The following BCKDHB variants were observed in gnomAD, a reference collection of about 807,000 sequenced individuals.
BCKDHB encodes 2-oxoisovalerate dehydrogenase subunit beta, mitochondrial.
A neutral mutation model predicts 48.5 loss-of-function variants in BCKDHB; 41 were observed. The ratio of observed to expected loss-of-function variants is 0.85; its 90% CI spans 0.66 to 1.10. The LOEUF (loss-of-function observed/expected upper bound fraction) is 1.10. Among genes scored for constraint, BCKDHB ranks in the 50% least tolerant of loss-of-function variants. The pLI is 0.00. For synonymous variants in BCKDHB, 201 were observed against 174.8 expected (o/e 1.15, Z -1.18); for missense variants, 496 against 494.2 (o/e 1.00, Z -0.03).
At chr6:80,358,690 A>T in the BCKDHB span, among the ~76,000 whole-genome samples, 13 of 152,208 alleles carry the variant, frequency 8.5e-5, no homozygotes, top group Non-Finnish European at 1.5e-5. Context: ...TGAAGACAGA[A>T]TGGAGATTGG....
the BCKDHB span, among the ~76,000 whole-genome samples, chr6:80,369,068 T>C: frequency 6.6e-6 from 1 of 151,856 alleles, no homozygotes; most frequent in Non-Finnish European, 1.5e-5. Flanking sequence ...GCATTAGACT[T>C]AGTCCCTGTC....
intron 9 of BCKDHB, among the ~76,000 whole-genome samples, chr6:80,275,811 T>C (rs967357103): frequency 3.9e-5 from 6 of 151,970 alleles, no homozygotes; most frequent in Non-Finnish European, 8.8e-5. Context: ...TGGAAAGCCT[T>C]GTTCCATATT....
At chr6:80,302,314 A>C (rs1372490860) in intron 9 of BCKDHB, among the ~76,000 whole-genome samples, 2 of 152,210 alleles carry the variant, frequency 1.3e-5, no homozygotes, top group Non-Finnish European at 2.9e-5. Context: ...TCAGGATACA[A>C]AATCAATGTA....
the BCKDHB span, among the ~76,000 whole-genome samples, chr6:80,382,025 G>A: frequency 6.0e-3 from 910 of 152,174 alleles, 9 homozygotes; most frequent in African/African-American, 0.02. Flanking sequence ...GTAGTAAAGA[G>A]CCTGTTTAAT....
chr6:80,343,605 A>G, intron 9 of BCKDHB, 59 bp from the exon 10 acceptor site: 3 of 1,567,908 alleles, frequency 1.9e-6, no homozygotes, highest in Non-Finnish European at 2.6e-6. Context: ...AAGTTGCACT[A>G]TTTCATTTCT....
chr6:80,147,654 G>C (rs1043892687), intron 3 of BCKDHB, among the ~76,000 whole-genome samples: 1 of 152,132 alleles, frequency 6.6e-6, no homozygotes, highest in Non-Finnish European at 1.5e-5. Flanking sequence ...CCTTCGGTGT[G>C]CGTCAGAGGC....
the BCKDHB span, among the ~76,000 whole-genome samples, chr6:80,424,595 T>C: frequency 6.6e-6 from 1 of 152,234 alleles, no homozygotes. Flanking sequence ...TTTTTAATAC[T>C]ATTTTTAACC....
chr6:80,225,658 T>C (rs974097128), intron 8 of BCKDHB, among the ~76,000 whole-genome samples: 1 of 152,202 alleles, frequency 6.6e-6, no homozygotes, highest in Non-Finnish European at 1.5e-5. Flanking sequence ...TCAAAAACTT[T>C]CAATTTCACA....
In BCKDHB at chr6:80,273,189, G is replaced by A. The variant is rs398124560; in HGVS notation, c.1006G>A (p.Gly336Ser). 4 of 1,613,486 alleles carry A rather than the reference G, an allele frequency of 2.5e-6. No homozygotes were observed. Among genetic ancestry groups the A allele is most frequent in the East Asian group, 2.2e-5 (1 of 44,846 alleles). ...LISHEAPLTGGFASEISSTVQ... is the reference protein window; with the variant it reads ...LISHEAPLTGSFASEISSTVQ... ...CAGTCACGAGGCTCCCTTGACAGGCGGCTTTGCATCGGAAATCAGCTCTAC... is the reference window on the plus strand; with the variant it reads ...CAGTCACGAGGCTCCCTTGACAGGCAGCTTTGCATCGGAAATCAGCTCTAC... Residue 336 changes from glycine (G) to serine (S), a missense_variant, in exon 9 of 10, where the codon GGC becomes AGC. Physicochemically the swap from Gly to Ser is moderately conservative, Grantham distance 56. Transcript: ENST00000320393.
intron 3 of BCKDHB, among the ~76,000 whole-genome samples, chr6:80,157,644 ATTT>A (rs70981407): frequency 1.5e-5 from 2 of 137,460 alleles, no homozygotes; most frequent in Admixed American, 7.3e-5. Flanking sequence ...TTTTTTTTGT[ATTT>A]TTTTTTTTTT....
intron 9 of BCKDHB, among the ~76,000 whole-genome samples, chr6:80,320,591 G>A (rs183888158): frequency 2.0e-4 from 30 of 152,248 alleles, no homozygotes; most frequent in Middle Eastern, 3.4e-3. Flanking sequence ...TTCAGCGACC[G>A]TTTCCAGGGT....
chr6:80,162,904 C>T (rs1479379538), intron 3 of BCKDHB, among the ~76,000 whole-genome samples: 1 of 151,738 alleles, frequency 6.6e-6, no homozygotes, highest in African/African-American at 2.4e-5. Context: ...AGTGACTGCT[C>T]CCTTTCTCTT....
chr6:80,363,388 A>G, the BCKDHB span, among the ~76,000 whole-genome samples: 1 of 152,224 alleles, frequency 6.6e-6, no homozygotes, highest in South Asian at 2.1e-4. Flanking sequence ...TTTGGTTACA[A>G]GAAACTGTTT....
intron 3 of BCKDHB, among the ~76,000 whole-genome samples, chr6:80,140,951 A>G (rs1405357564): frequency 1.3e-5 from 2 of 152,040 alleles, no homozygotes; most frequent in Non-Finnish European, 2.9e-5. Flanking sequence ...TTTTTGGTTG[A>G]TAAGCTGTTG....
chr6:80,112,112 C>T (rs974411813), intron 1 of BCKDHB, among the ~76,000 whole-genome samples: 2 of 152,130 alleles, frequency 1.3e-5, no homozygotes, highest in African/African-American at 4.8e-5. Context: ...TAATTATAAG[C>T]CAATCTGATA....
chr6:80,359,085 C>T, the BCKDHB span, among the ~76,000 whole-genome samples: 1 of 152,214 alleles, frequency 6.6e-6, no homozygotes, highest in South Asian at 2.1e-4. Flanking sequence ...CAGCCCAGTT[C>T]ACCAAGTTCT....
chr6:80,370,832 G>A, the BCKDHB span, among the ~76,000 whole-genome samples: 1 of 151,340 alleles, frequency 6.6e-6, no homozygotes, highest in South Asian at 2.1e-4. Flanking sequence ...GTGTGTGTGT[G>A]TGTGTGTTTG....
In BCKDHB at chr6:80,267,684, A is replaced by C. The variant is rs550394122; in HGVS notation, c.952-5451A>C. The stretch of plus-strand genomic sequence containing the variant: ...TCTGAAATATTTTGAAGTAGCTTTC[A>C]GAAAGATGTCCACTTTTAATTTTGC... On this transcript the variant is annotated intron_variant, in intron 8 of 9. Transcript: ENST00000320393. Among the ~76,000 whole-genome samples, 450 of 152,288 alleles carry C rather than the reference A, an allele frequency of 3.0e-3. 1 individual carries two copies. Among genetic ancestry groups the C allele is most frequent in the African/African-American group, 0.01 (435 of 41,574 alleles).
chr6:80,224,800 T>C (rs1449479345), intron 8 of BCKDHB, among the ~76,000 whole-genome samples: 2 of 152,208 alleles, frequency 1.3e-5, no homozygotes, highest in African/African-American at 4.8e-5. Context: ...CAAGATCCTT[T>C]GATCTAGCCA....
Sources: gnomAD v4.1 joint callset for allele counts (sites outside exome capture counted in the v4.1 genomes callset) on GRCh38, gnomAD v4.1.1 for gene constraint, MANE v1.5 for transcripts, NCBI Gene and HGNC (gene_info 2026-07-23, HGNC 2026-07-21) for gene names.